Variants in AKAP12 observed in about 807,000 individuals in gnomAD.
AKAP12 encodes the protein A-kinase anchor protein 12.
A neutral mutation model predicts 79.9 loss-of-function variants in AKAP12; 32 were observed. The observed-to-expected ratio is 0.40, with a 90% CI of 0.30 to 0.54. The LOEUF is 0.54. Ranked by LOEUF, AKAP12 falls within the 20% of genes least tolerant of loss-of-function variation. The probability of loss-of-function intolerance (pLI) is 0.48; values close to 1 mark genes in which losing one functional copy is unlikely to be tolerated. For synonymous variants in AKAP12, 808 were observed against 857.0 expected (o/e 0.94, Z 1.00); for missense variants, 2,074 against 2,177.0 (o/e 0.95, Z 0.94).
At chr6:151,302,859 A>C (rs1321001586) in intron 2 of AKAP12, among the ~76,000 whole-genome samples, 1 of 152,164 alleles carries the variant, frequency 6.6e-6, no homozygotes, top group Non-Finnish European at 1.5e-5. Context: ...TTACTAATCA[A>C]ATCTAAGTCC....
intron 3 of AKAP12, among the ~76,000 whole-genome samples, chr6:151,333,864 C>T (rs1372439747): frequency 6.6e-6 from 1 of 151,906 alleles, no homozygotes; most frequent in Non-Finnish European, 1.5e-5. Flanking sequence ...TTTGGTGTGT[C>T]ATGTACAGTT....
chr6:151,287,374 C>T (rs1019095907), intron 2 of AKAP12, among the ~76,000 whole-genome samples: 1 of 152,112 alleles, frequency 6.6e-6, no homozygotes, highest in Non-Finnish European at 1.5e-5. Context: ...GATCCTCCCA[C>T]CTTAGCCTCC....
At chr6:151,332,921 G>A (rs1356861719) in intron 3 of AKAP12, among the ~76,000 whole-genome samples, 1 of 152,158 alleles carries the variant, frequency 6.6e-6, no homozygotes, top group East Asian at 1.9e-4. Context: ...AGACTTGGGC[G>A]GATAGCAGCG....
At chr6:151,241,995 A>G (rs1318246251) in intron 2 of AKAP12, among the ~76,000 whole-genome samples, 1 of 152,056 alleles carries the variant, frequency 6.6e-6, no homozygotes, top group East Asian at 1.9e-4. Context: ...ATTAAGTACT[A>G]ACTGTGTCTC....
chr6:151,338,180 T>C (rs1158705908), intron 3 of AKAP12, among the ~76,000 whole-genome samples: 1 of 152,216 alleles, frequency 6.6e-6, no homozygotes, highest in Non-Finnish European at 1.5e-5. Flanking sequence ...TATCATACAT[T>C]TACGTTATTA....
chr6:151,332,946 G>C (rs573964644), intron 3 of AKAP12, among the ~76,000 whole-genome samples: 3 of 152,054 alleles, frequency 2.0e-5, no homozygotes, highest in African/African-American at 7.2e-5. Flanking sequence ...TAAAAATGGC[G>C]GGGTCATTCA....
At chr6:151,297,366 G>C (rs1169625590) in intron 2 of AKAP12, among the ~76,000 whole-genome samples, 1 of 151,912 alleles carries the variant, frequency 6.6e-6, no homozygotes, top group Non-Finnish European at 1.5e-5. Context: ...CACGAGGTCA[G>C]GAGTTTGAGA....
At chr6:151,325,530 T>A (rs747206307) in intron 3 of AKAP12, 8 of 984,096 alleles carry the variant, frequency 8.1e-6, no homozygotes, top group Non-Finnish European at 9.6e-6. Context: ...ACCCCCTGCT[T>A]GTGCGGCCCG....
chr6:151,268,730 C>T (rs1355336779), intron 2 of AKAP12, among the ~76,000 whole-genome samples: 1 of 152,098 alleles, frequency 6.6e-6, no homozygotes, highest in Non-Finnish European at 1.5e-5. Context: ...GCAACCTCTG[C>T]CTCCTGGGTT....
At chr6:151,293,558 A>C (rs1391291490) in intron 2 of AKAP12, among the ~76,000 whole-genome samples, 1 of 152,200 alleles carries the variant, frequency 6.6e-6, no homozygotes, top group African/African-American at 2.4e-5. Context: ...TGTCTTAGAC[A>C]TTCACGATGC....
intron 2 of AKAP12, among the ~76,000 whole-genome samples, chr6:151,289,309 C>T (rs1776567402): frequency 6.6e-6 from 1 of 152,134 alleles, no homozygotes; most frequent in African/African-American, 2.4e-5. Flanking sequence ...CTTCAAGGTC[C>T]TCTGCAAATT....
At chr6:151,317,850 G>A (rs898593747) in intron 3 of AKAP12, among the ~76,000 whole-genome samples, 1 of 152,184 alleles carries the variant, frequency 6.6e-6, no homozygotes, top group African/African-American at 2.4e-5. Flanking sequence ...CTTACACAAA[G>A]CAGTAGCTAG....
chr6:151,337,764 G>C (rs912961334), intron 3 of AKAP12, among the ~76,000 whole-genome samples: 1 of 152,148 alleles, frequency 6.6e-6, no homozygotes, highest in Non-Finnish European at 1.5e-5. Flanking sequence ...CACTGGAGAA[G>C]GCTGGGCACA....
Position 151,306,664 on chromosome 6 carries a change from C to T in AKAP12, c.319+761C>T, listed in dbSNP as rs894577706. Among the ~76,000 whole-genome samples, 3 of 152,180 alleles carry T rather than the reference C, an allele frequency of 2.0e-5. No homozygotes were observed. The East Asian group carries it at 5.8e-4, about 29-fold the overall frequency. On this transcript the variant is annotated intron_variant, in intron 3 of 4. Coordinates refer to ENST00000402676, the MANE Select transcript of AKAP12 (RefSeq NM_005100.4). ...AAAAGTCCTTTCACAGGAGATTCAA[C>T]ATCGCCTCACTTAGATGAGATTCTT... is the stretch of plus-strand genomic sequence containing the variant.
intron 3 of AKAP12, among the ~76,000 whole-genome samples, chr6:151,338,859 T>C (rs895730367): frequency 6.6e-6 from 1 of 152,192 alleles, no homozygotes; most frequent in Non-Finnish European, 1.5e-5. Flanking sequence ...TAAGGTGTTT[T>C]CCAATTTCTC....
intron 3 of AKAP12, among the ~76,000 whole-genome samples, chr6:151,307,748 A>G (rs1344578289): frequency 6.6e-6 from 1 of 152,174 alleles, no homozygotes; most frequent in African/African-American, 2.4e-5. Flanking sequence ...TGAGTGATTC[A>G]GTCCCTCCCC....
intron 2 of AKAP12, among the ~76,000 whole-genome samples, chr6:151,247,746 C>T (rs1797103322): frequency 6.6e-6 from 1 of 152,194 alleles, no homozygotes; most frequent in Non-Finnish European, 1.5e-5. Context: ...TGAAGGCTTA[C>T]CCGGGATCCT....
intron 3 of AKAP12, 150 bp from the exon 4 acceptor site, chr6:151,348,560 GC>G (rs1778173911): frequency 3.2e-6 from 2 of 628,490 alleles, no homozygotes; most frequent in South Asian, 3.9e-5. Context: ...GATTCCTTGA[GC>G]CTGGGAGGTT....
intron 2 of AKAP12, among the ~76,000 whole-genome samples, chr6:151,260,916 G>A (rs949017258): frequency 1.2e-4 from 19 of 152,130 alleles, no homozygotes; most frequent in East Asian, 9.7e-4. Flanking sequence ...CGCTTGAACC[G>A]GGGAGGTGGA....
Sources: gnomAD v4.1 joint callset for allele counts (sites outside exome capture counted in the v4.1 genomes callset) on GRCh38, gnomAD v4.1.1 for gene constraint, MANE v1.5 for transcripts, NCBI Gene and HGNC (gene_info 2026-07-23, HGNC 2026-07-21) for gene names.